RMC1: variants seen among roughly 807,000 people sequenced by gnomAD.
RMC1 encodes the protein regulator of MON1-CCZ1.
In RMC1, 44 loss-of-function variants were observed where a neutral mutation model predicts 95.5. The ratio of observed to expected loss-of-function variants is 0.46; its 90% CI spans 0.36 to 0.59. The LOEUF is 0.59. Ranked by LOEUF, RMC1 falls within the 20% of genes least tolerant of loss-of-function variation. The probability of loss-of-function intolerance (pLI) is 0.00; values close to 1 mark genes in which losing one functional copy is unlikely to be tolerated. For missense variants in RMC1, 705 were observed against 819.6 expected (o/e 0.86, Z 1.71); for synonymous variants, 320 against 303.6 (o/e 1.05, Z -0.56).
rs1409190912 is a variant in RMC1, at chr18:23,508,013, C to T, written c.293C>T (p.Ser98Phe). 6 of 1,610,892 alleles carry T rather than the reference C, an allele frequency of 3.7e-6. No individual in the cohort carries two copies. ...VDFCNFIPDNSQLEYTQECKT... is the reference protein window; with the variant it reads ...VDFCNFIPDNFQLEYTQECKT... ...TTTTGTAATTTTATCCCTGATAATTCCCAGCTGGAATACACACAGGAGTGC... is the reference window on the plus strand; with the variant it reads ...TTTTGTAATTTTATCCCTGATAATTTCCAGCTGGAATACACACAGGAGTGC... The change falls in exon 4 of 20, where the codon TCC (serine) becomes TTC (phenylalanine). Residue 98 changes from serine to phenylalanine, a missense_variant. Transcript: ENST00000269221.
At position 23,508,015 on chromosome 18, in the gene RMC1, C is replaced by T; in HGVS notation, c.295C>T (p.Gln99Ter). Residue 99 changes from glutamine to a stop codon, truncating the protein, a stop_gained, in exon 4 of 20, where the codon CAG (glutamine) becomes TAG (stop). Transcript: ENST00000269221. LOFTEE classifies it high-confidence loss of function. ...DFCNFIPDNS[Q>*]LEYTQECKTK... is the part of the protein sequence containing the mutation. ...TTGTAATTTTATCCCTGATAATTCC[C>T]AGCTGGAATACACACAGGAGTGCAA... 1 of 1,611,056 alleles carries T rather than the reference C, an allele frequency of 6.2e-7. No individual in the cohort carries two copies. The highest frequency in any genetic ancestry group is 8.5e-7 in the Non-Finnish European group (1 of 1,178,858).
chr18:23,523,994 G>C (rs904413684), intron 10 of RMC1, 136 bp from the exon 11 acceptor site: 3 of 977,220 alleles, frequency 3.1e-6, no homozygotes, highest in African/African-American at 3.2e-5. Context: ...AGACGGAACA[G>C]TTCATTTCTT....
intron 2 of RMC1, among the ~76,000 whole-genome samples, chr18:23,505,807 G>A (rs746489245): frequency 1.3e-5 from 2 of 152,164 alleles, no homozygotes; most frequent in African/African-American, 2.4e-5. Context: ...GAGTGAGCCC[G>A]TGATAATCTA....
At chr18:23,503,862 T>G in intron 1 of RMC1, 142 bp downstream of exon 1, 1 of 675,728 alleles carries the variant, frequency 1.5e-6, no homozygotes, top group Non-Finnish European at 2.2e-6. Context: ...CGCGCGCTCC[T>G]TCCTTGTTGG....
rs538432344 is a variant in RMC1, at chr18:23,509,535, A to T, written c.408+256A>T. On this transcript the variant is annotated intron_variant, in intron 5 of 19. Transcript: ENST00000269221. ...CAGGCATGTACCACCATGCCTGGCT[A>T]ATTTTTCTTTTTATTATTTTATTTT... 7.3e-5 allele frequency: 15 copies of T among 206,854 alleles called. No homozygotes were observed. The South Asian group carries it at 2.8e-3, about 39-fold the overall frequency. 12.8% of individuals were successfully genotyped at this position (206,854 alleles called of 1,614,324 possible).
Position 23,519,186 on chromosome 18 carries a change from C to A in RMC1, c.849+12C>A. 6.2e-7 allele frequency: 1 copy of A among 1,607,750 alleles called. No homozygotes were observed. The highest frequency in any genetic ancestry group is 8.5e-7 in the Non-Finnish European group (1 of 1,174,626). On this transcript the variant is annotated intron_variant, in intron 9 of 19. Transcript: ENST00000269221. ...ATCAGGATACAGAGGTACAAGCTGTCTGCGTTTCTACCAAAGTTAAGGTTG... is the reference window on the plus strand; with the variant it reads ...ATCAGGATACAGAGGTACAAGCTGTATGCGTTTCTACCAAAGTTAAGGTTG...
intron 10 of RMC1, among the ~76,000 whole-genome samples, chr18:23,521,492 C>A (rs6507708): frequency 0.49 from 74,255 of 151,992 alleles, 18,347 homozygotes; most frequent in East Asian, 0.61. Context: ...CTGACAGTCA[C>A]AGTAAGTGCT....
At chr18:23,529,436 G>C in intron 15 of RMC1, 138 bp downstream of exon 15, 2 of 1,405,358 alleles carry the variant, frequency 1.4e-6, no homozygotes, top group Non-Finnish European at 1.9e-6. Context: ...AGGCCCTAGA[G>C]CTGGTAGTTT....
chr18:23,524,448 C>T lies in RMC1; in HGVS notation c.1026C>T (p.Val342=), dbSNP rs973383045. The T allele has an allele frequency of 6.2e-7, 1 of 1,614,068 alleles. No homozygotes were observed. The highest frequency in any genetic ancestry group is 8.5e-7 in the Non-Finnish European group (1 of 1,179,972). The change falls in exon 12 of 20, where the codon GTC becomes GTT. Residue 342 remains valine (V), a synonymous_variant. Coordinates refer to ENST00000269221, the MANE Select transcript of RMC1 (RefSeq NM_013326.5). ...ATGTGGATTCTTCATCTTGGATTGTCTTTCAACCTGACATCATTATCAGCG... is the reference window on the plus strand; with the variant it reads ...ATGTGGATTCTTCATCTTGGATTGTTTTTCAACCTGACATCATTATCAGCG... The part of the protein sequence containing the change: ...PCKLYSSSWI[V]FQPDIIISAS...
intron 12 of RMC1, among the ~76,000 whole-genome samples, chr18:23,525,945 A>G (rs1004525722): frequency 2.6e-5 from 4 of 152,198 alleles, no homozygotes; most frequent in Non-Finnish European, 4.4e-5. Flanking sequence ...TCTGTAACCC[A>G]TAGCCTCATG....
At chr18:23,524,305 C>G in intron 11 of RMC1, 124 bp from the exon 12 acceptor site, 3 of 1,481,310 alleles carry the variant, frequency 2.0e-6, no homozygotes, top group East Asian at 4.5e-5. Context: ...GCTTCCCTGA[C>G]TGTCCAGGGG....
chr18:23,506,737 C>G, intron 2 of RMC1: 1 of 400,458 alleles, frequency 2.5e-6, no homozygotes, highest in Non-Finnish European at 4.6e-6. Flanking sequence ...TGTGTGTGAT[C>G]TGAATTCTTC....
chr18:23,530,281 C>T lies in RMC1; in HGVS notation c.1652C>T (p.Ser551Phe). 1.2e-6 allele frequency: 2 copies of T among 1,614,196 alleles called. No homozygotes were observed. Among genetic ancestry groups the T allele is most frequent in the South Asian group, 1.1e-5 (1 of 91,084 alleles). Residue 551 changes from serine (S) to phenylalanine (F), a missense_variant, in exon 18 of 20, where the codon TCT (serine) becomes TTT (phenylalanine). Transcript: ENST00000269221. ...ESFYPPAHQLSLDMLKRLSTA... is the reference protein window; with the variant it reads ...ESFYPPAHQLFLDMLKRLSTA... Reference sequence around the variant, plus strand: ...TTCTATCCTCCTGCTCATCAGCTATCTCTGGACATGCTGAAGGTAACTCTG... The same window carrying T: ...TTCTATCCTCCTGCTCATCAGCTATTTCTGGACATGCTGAAGGTAACTCTG...
intron 10 of RMC1, among the ~76,000 whole-genome samples, chr18:23,520,763 A>C (rs1205109719): frequency 6.6e-6 from 1 of 151,834 alleles, no homozygotes; most frequent in Non-Finnish European, 1.5e-5. Context: ...GTATTCAAGC[A>C]ATTGAACCAA....
intron 14 of RMC1, chr18:23,528,532 C>G (rs934909864): frequency 1.3e-5 from 2 of 152,976 alleles, no homozygotes; most frequent in African/African-American, 4.8e-5. Flanking sequence ...ACAAAAGCCC[C>G]AGAACTCCAC....
intron 14 of RMC1, 129 bp from the exon 15 acceptor site, chr18:23,529,050 A>G (rs1598914254): frequency 4.2e-6 from 6 of 1,432,624 alleles, no homozygotes; most frequent in Non-Finnish European, 3.7e-6. Context: ...AGTTGTATCT[A>G]AGTAGAGAAA....
intron 5 of RMC1, among the ~76,000 whole-genome samples, chr18:23,513,348 G>C (rs553635167): frequency 1.3e-5 from 2 of 152,198 alleles, no homozygotes; most frequent in African/African-American, 2.4e-5. Context: ...TTTCCTACAG[G>C]TTCCCCCATG....
At chr18:23,529,035 G>A in intron 14 of RMC1, 144 bp from the exon 15 acceptor site, 1 of 1,362,956 alleles carries the variant, frequency 7.3e-7, no homozygotes, top group Non-Finnish European at 9.8e-7. Context: ...ATGCGCACAG[G>A]AAAAAGTTGT....
At chr18:23,530,911 A>G (rs892557031) in intron 19 of RMC1, among the ~76,000 whole-genome samples, 4 of 152,196 alleles carry the variant, frequency 2.6e-5, no homozygotes, top group African/African-American at 9.6e-5. Flanking sequence ...AAAGCCAGGA[A>G]TAAGACGGCA....
Sources: allele counts gnomAD v4.1 joint callset (sites outside exome capture counted in the v4.1 genomes callset), GRCh38; gene constraint gnomAD v4.1.1; transcripts MANE v1.5; gene names NCBI Gene and HGNC (gene_info 2026-07-23, HGNC 2026-07-21).